Variants in RPH3AL observed in about 807,000 individuals in gnomAD.
The protein encoded by RPH3AL is rabphilin 3A like (without C2 domains).
A neutral mutation model predicts 43.1 loss-of-function variants in RPH3AL; 38 were observed. That is an observed-to-expected ratio of 0.88 (90% confidence interval 0.68 to 1.15). RPH3AL has a LOEUF of 1.15. Ranked by LOEUF, RPH3AL falls within the 50% of genes most tolerant of loss-of-function variation. The pLI is 0.00. For synonymous variants in RPH3AL, 189 were observed against 176.3 expected, an observed-to-expected ratio of 1.07 and a Z score of -0.57; for missense variants, 462 against 423.2, an observed-to-expected ratio of 1.09 and a Z score of -0.81.
At chr17:284,683 C>T (rs756945775) in intron 5 of RPH3AL, among the ~76,000 whole-genome samples, 29 of 152,172 alleles carry the variant, frequency 1.9e-4, no homozygotes, top group Non-Finnish European at 2.5e-4. Context: ...GCCTCTCCCC[C>T]GGGGGCCGCC....
intron 1 of RPH3AL, chr17:348,967 A>G (rs1236648920): frequency 1.3e-5 from 2 of 152,232 alleles, no homozygotes; most frequent in Non-Finnish European, 2.9e-5. Context: ...GCCACTGCAT[A>G]TTGCACAGTG....
At chr17:263,683 T>C (rs1295847357) in intron 6 of RPH3AL, among the ~76,000 whole-genome samples, 3 of 152,218 alleles carry the variant, frequency 2.0e-5, no homozygotes, top group Admixed American at 1.3e-4. Flanking sequence ...TGAATCTGGA[T>C]GTGGCTTAAG....
chr17:341,547 C>T (rs955427791), intron 1 of RPH3AL: 13 of 152,178 alleles, frequency 8.5e-5, no homozygotes, highest in South Asian at 2.1e-4. Context: ...CTATGAAATT[C>T]GTATAAGGAA....
chr17:313,726 C>T (rs772569078), intron 5 of RPH3AL, among the ~76,000 whole-genome samples: 24 of 152,210 alleles, frequency 1.6e-4, no homozygotes, highest in South Asian at 4.1e-4. Flanking sequence ...ATCTCGTTCA[C>T]GGCGTCGGCA....
intron 7 of RPH3AL, among the ~76,000 whole-genome samples, chr17:243,881 A>G (rs2041664820): frequency 7.0e-6 from 1 of 142,044 alleles, no homozygotes; most frequent in Admixed American, 7.2e-5. Flanking sequence ...CACTTCCTCT[A>G]CTGATTACAC....
chr17:306,257 G>A (rs2151646146), intron 5 of RPH3AL, among the ~76,000 whole-genome samples: 1 of 151,408 alleles, frequency 6.6e-6, no homozygotes, highest in African/African-American at 2.4e-5. Flanking sequence ...CCGCCAACAT[G>A]CCCCACGAGC....
intron 5 of RPH3AL, among the ~76,000 whole-genome samples, chr17:303,185 G>A (rs997189806): frequency 3.9e-5 from 6 of 152,152 alleles, no homozygotes; most frequent in Admixed American, 2.6e-4. Flanking sequence ...ATCGCCTGAG[G>A]AGTCTGAGGC....
At chr17:216,503 G>A (rs898541625) in intron 8 of RPH3AL, among the ~76,000 whole-genome samples, 6 of 152,106 alleles carry the variant, frequency 3.9e-5, no homozygotes, top group African/African-American at 1.2e-4. Flanking sequence ...GAGAGCAGAC[G>A]TGGAGCCTGC....
At chr17:226,590 C>G (rs750434816) in intron 7 of RPH3AL, among the ~76,000 whole-genome samples, 1 of 152,210 alleles carries the variant, frequency 6.6e-6, no homozygotes, top group African/African-American at 2.4e-5. Flanking sequence ...AGGGCCACAC[C>G]GAGCAAACCC....
chr17:284,130 A>G (rs1199347340), intron 5 of RPH3AL, among the ~76,000 whole-genome samples: 1 of 152,198 alleles, frequency 6.6e-6, no homozygotes, highest in Non-Finnish European at 1.5e-5. Context: ...CCTGCCCTGC[A>G]TAGGCTGCTG....
At chr17:265,098 C>A (rs1038909418) in intron 6 of RPH3AL, among the ~76,000 whole-genome samples, 1 of 152,092 alleles carries the variant, frequency 6.6e-6, no homozygotes, top group Admixed American at 6.5e-5. Flanking sequence ...GACATTTTTT[C>A]TTCTTTGAGA....
At chr17:226,813 G>T (rs2041117296) in intron 7 of RPH3AL, among the ~76,000 whole-genome samples, 2 of 152,200 alleles carry the variant, frequency 1.3e-5, no homozygotes, top group South Asian at 4.1e-4. Context: ...TATTCACAAA[G>T]ATTTCAGACT....
intron 7 of RPH3AL, among the ~76,000 whole-genome samples, chr17:235,471 G>A (rs1196103979): frequency 7.2e-6 from 1 of 139,834 alleles, no homozygotes; most frequent in African/African-American, 2.7e-5. Flanking sequence ...GCTGGGGTCG[G>A]CCGAGGCTCT....
chr17:214,384 G>A lies in RPH3AL; in HGVS notation c.877-461C>T, dbSNP rs116874219. ...TCCCCGGAACCCTGTGAAGGACACC[G>A]TACCGATAATAGAACTGGGCACAGA... On this transcript the variant is annotated intron_variant, in intron 9 of 9. Transcript: ENST00000331302. 1.9e-3 allele frequency among the ~76,000 whole-genome samples: 290 copies of A among 152,298 alleles called. 1 individual carries two copies. The highest frequency in any genetic ancestry group is 3.4e-3 in the Non-Finnish European group (234 of 68,026).
chr17:302,361 A>C (rs1336096600), intron 5 of RPH3AL, among the ~76,000 whole-genome samples: 1 of 152,204 alleles, frequency 6.6e-6, no homozygotes, highest in Admixed American at 6.5e-5. Flanking sequence ...AGGCAGGTCC[A>C]CGGAGTCACC....
chr17:332,039 G>C (rs530227823), intron 2 of RPH3AL: 5 of 412,890 alleles, frequency 1.2e-5, no homozygotes, highest in Admixed American at 3.3e-5. Context: ...GGAGCTCTGG[G>C]GGGAGCAGAG....
intron 7 of RPH3AL, among the ~76,000 whole-genome samples, chr17:239,600 C>T (rs1416603967): frequency 6.6e-6 from 1 of 152,092 alleles, no homozygotes; most frequent in African/African-American, 2.4e-5. Context: ...ATAGTTCTTT[C>T]CACTACCCTC....
At chr17:273,940 T>G (rs9891976) in intron 6 of RPH3AL, among the ~76,000 whole-genome samples, 1 of 151,920 alleles carries the variant, frequency 6.6e-6, no homozygotes, top group African/African-American at 2.4e-5. Flanking sequence ...TCAGATAACA[T>G]CTGTGTCCTC....
chr17:327,088 T>G (rs1255978723), intron 3 of RPH3AL, among the ~76,000 whole-genome samples: 1 of 152,206 alleles, frequency 6.6e-6, no homozygotes, highest in African/African-American at 2.4e-5. Context: ...CTTAAGGGAC[T>G]TGCAGTCCTA....
Sources: allele counts gnomAD v4.1 joint callset (sites outside exome capture counted in the v4.1 genomes callset), GRCh38; gene constraint gnomAD v4.1.1; transcripts MANE v1.5; gene names NCBI Gene and HGNC (gene_info 2026-07-23, HGNC 2026-07-21).